HSD17B6: variants seen among roughly 807,000 people sequenced by gnomAD.
The protein encoded by HSD17B6 is 17-beta-hydroxysteroid dehydrogenase type 6.
In HSD17B6, 16 loss-of-function variants were observed where a neutral mutation model predicts 26.4. The observed-to-expected ratio is 0.61, with a 90% CI of 0.41 to 0.92. The LOEUF (loss-of-function observed/expected upper bound fraction) is 0.92. HSD17B6 is among the 40% of genes least tolerant of loss of function. HSD17B6 has a pLI of 0.00. For synonymous variants in HSD17B6, 139 were observed against 153.0 expected, an observed-to-expected ratio of 0.91 and a Z score of 0.68; for missense variants, 357 against 386.1, an observed-to-expected ratio of 0.92 and a Z score of 0.63.
intron 2 of HSD17B6, among the ~76,000 whole-genome samples, chr12:56,779,787 T>TA (rs1210374610): frequency 6.8e-6 from 1 of 147,596 alleles, no homozygotes; most frequent in African/African-American, 2.6e-5. Context: ...TGTTTAGATT[T>TA]ATCCTCTTTT....
chr12:56,764,302 T>C (rs930256215), intron 1 of HSD17B6, among the ~76,000 whole-genome samples: 1 of 152,136 alleles, frequency 6.6e-6, no homozygotes, highest in Non-Finnish European at 1.5e-5. Flanking sequence ...CTGAAGATTT[T>C]AACCAAAGAA....
At chr12:56,767,881 A>G (rs962195198) in intron 1 of HSD17B6, among the ~76,000 whole-genome samples, 1 of 149,684 alleles carries the variant, frequency 6.7e-6, no homozygotes, top group African/African-American at 2.5e-5. Context: ...ATATACACGT[A>G]TATACACATA....
Position 56,787,179 on chromosome 12 carries a change from T to A in HSD17B6, c.791T>A (p.Val264Asp). Residue 264 changes from valine to aspartate, a missense_variant, in exon 5 of 5, where the codon GTC (valine) becomes GAC (aspartate). Physicochemically the swap from Val to Asp is radical, Grantham distance 152. Transcript: ENST00000322165. ...LLNCSTNLNLVTDCMEHALTS... is the reference protein window; with the variant it reads ...LLNCSTNLNLDTDCMEHALTS... ...AATTGTAGCACAAACCTGAACCTGG[T>A]CACTGACTGCATGGAACATGCTCTG... 1 of 1,614,232 alleles carries A rather than the reference T, an allele frequency of 6.2e-7. No individual in the cohort carries two copies. Among genetic ancestry groups the A allele is most frequent in the Non-Finnish European group, 8.5e-7 (1 of 1,180,030 alleles).
chr12:56,772,280 A>G (rs919211221), intron 1 of HSD17B6, among the ~76,000 whole-genome samples: 12 of 152,170 alleles, frequency 7.9e-5, no homozygotes, highest in Admixed American at 1.3e-4. Flanking sequence ...TGTGAATTCA[A>G]TGAAAAATGG....
chr12:56,779,874 A>G (rs551894808), intron 2 of HSD17B6, among the ~76,000 whole-genome samples: 4 of 145,302 alleles, frequency 2.8e-5, no homozygotes, highest in Non-Finnish European at 6.0e-5. Flanking sequence ...TACCGAATAT[A>G]TGCCTAAGAA....
At chr12:56,764,936 T>C (rs1199721156) in intron 1 of HSD17B6, among the ~76,000 whole-genome samples, 2 of 152,144 alleles carry the variant, frequency 1.3e-5, no homozygotes, top group Admixed American at 6.5e-5. Flanking sequence ...GCTATTCTCC[T>C]GCCTCAGCCT....
intron 4 of HSD17B6, chr12:56,785,806 G>C (rs942923819): frequency 1.7e-4 from 34 of 201,300 alleles, no homozygotes; most frequent in East Asian, 1.8e-4. Flanking sequence ...TAATGTGACA[G>C]GAGAAAGCAT....
chr12:56,774,036 A>T lies in HSD17B6; in HGVS notation c.184A>T (p.Thr62Ser). The change falls in exon 2 of 5, where the codon ACG (threonine) becomes TCG (serine). Residue 62 changes from threonine (T) to serine (S), a missense_variant. By Grantham distance (58) the Thr-to-Ser change is moderately conservative. Coordinates refer to ENST00000322165, the MANE Select transcript of HSD17B6 (RefSeq NM_003725.4). ...RGLRVLAACL[T>S]EKGAEQLRGQ... is the part of the protein sequence containing the mutation. ...CTTGAGAGTGCTGGCTGCGTGTCTGACGGAGAAGGGGGCCGAGCAGCTGAG... is the reference window on the plus strand; with the variant it reads ...CTTGAGAGTGCTGGCTGCGTGTCTGTCGGAGAAGGGGGCCGAGCAGCTGAG... The T allele has an allele frequency of 6.2e-7, 1 of 1,614,090 alleles. No homozygotes were observed. The highest frequency in any genetic ancestry group is 8.5e-7 in the Non-Finnish European group (1 of 1,180,000).
chr12:56,786,362 G>A (rs1191379739), intron 4 of HSD17B6, among the ~76,000 whole-genome samples: 1 of 148,800 alleles, frequency 6.7e-6, no homozygotes, highest in African/African-American at 2.5e-5. Context: ...CAATTCTCTT[G>A]TCTCAGCTTC....
chr12:56,775,878 C>T (rs11171969), intron 2 of HSD17B6, among the ~76,000 whole-genome samples: 4,222 of 152,268 alleles, frequency 0.028, 205 homozygotes, highest in African/African-American at 0.096. Context: ...GCAACCACTG[C>T]TCTTTTTACT....
Position 56,774,143 on chromosome 12 carries a change from G to T in HSD17B6, c.291G>T (p.Val97=). ...MESIAAATQW[V]KEHVGDRGLW... is the part of the protein sequence containing the mutation. ...GCATCGCTGCAGCTACTCAGTGGGTGAAGGAGCATGTGGGGGACAGAGGTA... is the reference window on the plus strand; with the variant it reads ...GCATCGCTGCAGCTACTCAGTGGGTTAAGGAGCATGTGGGGGACAGAGGTA... The change falls in exon 2 of 5, where the codon GTG becomes GTT. Residue 97 remains valine, a synonymous_variant. Coordinates refer to ENST00000322165, the MANE Select transcript of HSD17B6 (RefSeq NM_003725.4). The T allele has an allele frequency of 6.3e-7, 1 of 1,580,618 alleles. No individual in the cohort carries two copies. Among genetic ancestry groups the T allele is most frequent in the South Asian group, 1.2e-5 (1 of 86,266 alleles).
Position 56,784,878 on chromosome 12 carries a change from A to C in HSD17B6, c.598A>C (p.Lys200Gln). ...GCGTGAGATTCAACATTTTGGGGTG[A>C]AAATCAGCATAGTTGAACCTGGCTA... ...LRREIQHFGV[K>Q]ISIVEPGYFR... The change falls in exon 4 of 5, where the codon AAA becomes CAA. Residue 200 changes from lysine to glutamine, a missense_variant. Transcript: ENST00000322165. 2 of 1,613,954 alleles carry C rather than the reference A, an allele frequency of 1.2e-6. No homozygotes were observed. Among genetic ancestry groups the C allele is most frequent in the South Asian group, 1.1e-5 (1 of 91,000 alleles).
chr12:56,785,827 A>G (rs1239811976), intron 4 of HSD17B6: 2 of 278,522 alleles, frequency 7.2e-6, no homozygotes, highest in Non-Finnish European at 1.1e-5. Context: ...GTAGGTGGGA[A>G]GAGGTAAGTC....
At chr12:56,786,888 ATGAT>A (rs1015873559) in intron 4 of HSD17B6, among the ~76,000 whole-genome samples, 1 of 152,154 alleles carries the variant, frequency 6.6e-6, no homozygotes, top group Non-Finnish European at 1.5e-5. Flanking sequence ...AAAAAGAAAA[ATGAT>A]TGAGTTTTAA....
At chr12:56,779,146 T>C (rs1403324797) in intron 2 of HSD17B6, among the ~76,000 whole-genome samples, 1 of 150,594 alleles carries the variant, frequency 6.6e-6, no homozygotes, top group Non-Finnish European at 1.5e-5. Context: ...ATTATTTTAT[T>C]TTTTTTTAGA....
chr12:56,763,958 A>ACTTGGGAGG (rs1954261789), intron 1 of HSD17B6, among the ~76,000 whole-genome samples: 1 of 150,734 alleles, frequency 6.6e-6, no homozygotes, highest in African/African-American at 2.4e-5. Flanking sequence ...GGTCCCAGCC[A>ACTTGGGAGG]CTTGGGAGGC....
chr12:56,773,968 C>CG lies in HSD17B6; in HGVS notation c.119dup (p.Phe41LeufsTer35). 6.2e-7 allele frequency: 1 copy of CG among 1,614,074 alleles called. No individual in the cohort carries two copies. The highest frequency in any genetic ancestry group is 1.1e-5 in the South Asian group (1 of 91,070). On this transcript the variant is annotated frameshift_variant, in exon 2 of 5. Coordinates refer to ENST00000322165, the MANE Select transcript of HSD17B6 (RefSeq NM_003725.4). LOFTEE classifies it high-confidence loss of function. ...TATGTCTTTATCACGGGCTGTGACT[C>CG]GGGCTTTGGGAACCTGCTGGCCAGA...
chr12:56,770,713 A>G (rs1430566321), intron 1 of HSD17B6, among the ~76,000 whole-genome samples: 1 of 152,182 alleles, frequency 6.6e-6, no homozygotes, highest in Non-Finnish European at 1.5e-5. Flanking sequence ...GGGGAAGAGC[A>G]GTGCAATGAA....
At chr12:56,785,906 T>A (rs1365095980) in intron 4 of HSD17B6, 2 of 978,604 alleles carry the variant, frequency 2.0e-6, no homozygotes, top group Non-Finnish European at 2.4e-6. Flanking sequence ...GTTCAGGTGA[T>A]AGGAGCTTTG....
Sources: gnomAD v4.1 joint callset for allele counts (sites outside exome capture counted in the v4.1 genomes callset) on GRCh38, gnomAD v4.1.1 for gene constraint, MANE v1.5 for transcripts, NCBI Gene and HGNC (gene_info 2026-07-23, HGNC 2026-07-21) for gene names.